Variants in PANK1 observed in about 807,000 individuals in gnomAD.
PANK1 encodes the protein pantothenic acid kinase 1.
A neutral mutation model predicts 40.1 loss-of-function variants in PANK1; 18 were observed. The ratio of observed to expected loss-of-function variants is 0.45; its 90% CI spans 0.31 to 0.67. The LOEUF (loss-of-function observed/expected upper bound fraction) is 0.67. Among genes scored for constraint, PANK1 ranks in the 30% least tolerant of loss-of-function variants. The pLI, the probability that PANK1 is intolerant of heterozygous loss-of-function variation, is 0.06. For missense variants in PANK1, 457 were observed against 599.6 expected (o/e 0.76, Z 2.48); for synonymous variants, 242 against 237.7 (o/e 1.02, Z -0.17).
At chr10:89,592,358 C>T (rs1426886006) in intron 5 of PANK1, among the ~76,000 whole-genome samples, 2 of 152,154 alleles carry the variant, frequency 1.3e-5, no homozygotes, top group African/African-American at 4.8e-5. Flanking sequence ...TTTCTGAGTA[C>T]CTATAATGTT....
chr10:89,615,119 T>C (rs1381214431), intron 1 of PANK1, among the ~76,000 whole-genome samples: 1 of 151,984 alleles, frequency 6.6e-6, no homozygotes, highest in Non-Finnish European at 1.5e-5. Context: ...ATGGAGAAAA[T>C]TCTACACTTA....
At position 89,635,578 on chromosome 10, in the gene PANK1, C is replaced by A. The variant is rs1841779143; in HGVS notation, c.292+9022G>T. Among the ~76,000 whole-genome samples, 6 of 152,292 alleles carry A rather than the reference C, an allele frequency of 3.9e-5. No individual in the cohort carries two copies. In the South Asian group the frequency reaches 1.2e-3, roughly 32 times the overall value. The stretch of plus-strand genomic sequence containing the variant: ...AAACCACAGCATTCCACCCTGGCTC[C>A]CCAAATTCATGTTCTTCTCACATAA... On this transcript the variant is annotated intron_variant, in intron 1 of 6. Transcript: ENST00000307534.
Position 89,644,370 on chromosome 10 carries a change from C to T in PANK1, c.292+230G>A, listed in dbSNP as rs142519482. Among the ~76,000 whole-genome samples, 819 of 152,338 alleles carry T rather than the reference C, an allele frequency of 5.4e-3. 4 individuals are homozygous for T. Among genetic ancestry groups the T allele is most frequent in the Non-Finnish European group, 8.3e-3 (564 of 68,024 alleles). ...GACCCGCTCAAGCTTCGTGTCCAAT[C>T]CTCGTTCTACTGATAGAAGCGAGCA... On this transcript the variant is annotated intron_variant, in intron 1 of 6. Transcript: ENST00000307534.
rs766468127 is a variant in PANK1 at position 89,593,779 on chromosome 10, T to TA, written c.1076+33dup. 40 of 1,548,568 alleles carry TA rather than the reference T, an allele frequency of 2.6e-5. 2 individuals are homozygous for TA. The highest frequency in any genetic ancestry group is 5.6e-5 in the South Asian group (5 of 89,622). On this transcript the variant is annotated intron_variant, in intron 4 of 6. Coordinates refer to ENST00000307534, the MANE Select transcript of PANK1 (RefSeq NM_148977.3). ...CAGGGTGGAGAGGCTGCCTTGTGTT[T>TA]AATCACTACTGCTCCTAGCTACTTA... is the stretch of plus-strand genomic sequence containing the variant.
At chr10:89,600,006 C>T (rs1245506234) in intron 2 of PANK1, among the ~76,000 whole-genome samples, 2 of 152,032 alleles carry the variant, frequency 1.3e-5, no homozygotes, top group African/African-American at 2.4e-5. Flanking sequence ...GAGTGCTGCT[C>T]AACAGGCCAA....
intron 6 of PANK1, among the ~76,000 whole-genome samples, chr10:89,587,149 G>T (rs1844220794): frequency 6.6e-6 from 1 of 151,800 alleles, no homozygotes; most frequent in East Asian, 1.9e-4. Context: ...CTCCAATAAG[G>T]GACTCTGAAT....
chr10:89,593,678 C>T lies in PANK1; in HGVS notation c.1076+135G>A, dbSNP rs1844476887. ...CAGTGCTTCATCAAGGGCAGGAGAT[C>T]AAGTCTGAGCTCTGATACAACAGGT... On this transcript the variant is annotated intron_variant, in intron 4 of 6. Coordinates refer to ENST00000307534, the MANE Select transcript of PANK1 (RefSeq NM_148977.3). The T allele has an allele frequency of 1.4e-5, 10 of 698,976 alleles. No homozygotes were observed. The South Asian group carries it at 1.8e-4, about 13-fold the overall frequency. 43.3% of individuals were successfully genotyped at this position (698,976 alleles called of 1,614,324 possible).
At chr10:89,639,440 T>A (rs1395018475) in intron 1 of PANK1, among the ~76,000 whole-genome samples, 1 of 152,218 alleles carries the variant, frequency 6.6e-6, no homozygotes, top group East Asian at 1.9e-4. Flanking sequence ...TAGTAAGATA[T>A]CTTTTACTAT....
chr10:89,593,729 A>G, intron 4 of PANK1, 84 bp downstream of exon 4: 1 of 1,048,106 alleles, frequency 9.5e-7, no homozygotes, highest in Non-Finnish European at 1.5e-6. Flanking sequence ...GTGGACTGAC[A>G]TTTTAAAACA....
chr10:89,607,687 A>C (rs1292094422), intron 2 of PANK1, among the ~76,000 whole-genome samples: 22 of 152,228 alleles, frequency 1.4e-4, no homozygotes, highest in Admixed American at 1.4e-3. Context: ...TGCATTCTTG[A>C]GAATACGGTT....
intron 1 of PANK1, among the ~76,000 whole-genome samples, chr10:89,630,064 G>A (rs1841588985): frequency 6.6e-6 from 1 of 152,204 alleles, no homozygotes; most frequent in South Asian, 2.1e-4. Flanking sequence ...CTAAGCCAGG[G>A]TGAGGGTGAG....
chr10:89,602,856 T>C (rs374718366), intron 2 of PANK1, among the ~76,000 whole-genome samples: 3 of 152,160 alleles, frequency 2.0e-5, no homozygotes, highest in African/African-American at 7.2e-5. Flanking sequence ...TGTTACCAGA[T>C]GACCCTATTT....
chr10:89,613,538 T>C (rs1331740465), intron 1 of PANK1, among the ~76,000 whole-genome samples: 1 of 152,228 alleles, frequency 6.6e-6, no homozygotes, highest in Non-Finnish European at 1.5e-5. Flanking sequence ...TGACCCAAGA[T>C]AGCTGCTTCT....
chr10:89,616,799 T>C (rs1845333366), intron 1 of PANK1, among the ~76,000 whole-genome samples: 1 of 152,134 alleles, frequency 6.6e-6, no homozygotes, highest in African/African-American at 2.4e-5. Context: ...TGGGCACCTG[T>C]AGTTCCAGCT....
At chr10:89,599,140 A>G (rs1417422832) in intron 3 of PANK1, 112 bp downstream of exon 3, 9 of 989,408 alleles carry the variant, frequency 9.1e-6, no homozygotes, top group African/African-American at 1.7e-5. Flanking sequence ...TTGGTTGGCC[A>G]AGGAGGCCAA....
chr10:89,631,742 T>TA (rs1244451147), intron 1 of PANK1, among the ~76,000 whole-genome samples: 2 of 152,174 alleles, frequency 1.3e-5, no homozygotes, highest in Non-Finnish European at 2.9e-5. Context: ...GAAGAAATGG[T>TA]AAAAAATTAA....
chr10:89,643,477 A>T (rs1842023277), intron 1 of PANK1, among the ~76,000 whole-genome samples: 2 of 152,230 alleles, frequency 1.3e-5, no homozygotes, highest in Non-Finnish European at 2.9e-5. Flanking sequence ...TACCAGAGTC[A>T]CCCACAGTCA....
At chr10:89,642,575 TCA>T (rs1199217388) in intron 1 of PANK1, among the ~76,000 whole-genome samples, 17 of 152,354 alleles carry the variant, frequency 1.1e-4, no homozygotes, top group Admixed American at 3.9e-4. Context: ...ATGTAAATAC[TCA>T]CAGAGTACCT....
chr10:89,589,393 T>A (rs141491234), intron 5 of PANK1, among the ~76,000 whole-genome samples: 15 of 152,234 alleles, frequency 9.9e-5, no homozygotes, highest in African/African-American at 3.4e-4. Context: ...CATACACTTA[T>A]GAACATTCCT....
Sources: gnomAD v4.1 joint callset for allele counts (sites outside exome capture counted in the v4.1 genomes callset) on GRCh38, gnomAD v4.1.1 for gene constraint, MANE v1.5 for transcripts, NCBI Gene and HGNC (gene_info 2026-07-23, HGNC 2026-07-21) for gene names.